The following NUMA1 variants were observed in gnomAD, a reference collection of about 807,000 sequenced individuals.
The protein encoded by NUMA1 is nuclear mitotic apparatus protein 1.
In NUMA1, 62 loss-of-function variants were observed where a neutral mutation model predicts 237.1. The ratio of observed to expected loss-of-function variants is 0.26; its 90% confidence interval spans 0.21 to 0.32. NUMA1 has a LOEUF of 0.32. Among genes scored for constraint, NUMA1 ranks in the 10% least tolerant of loss-of-function variants. The pLI is 1.00. For missense variants in NUMA1, 2,533 were observed against 2,666.5 expected (o/e 0.95, Z 1.10); for synonymous variants, 1,028 against 1,066.1 (o/e 0.96, Z 0.70).
At position 72,012,514 on chromosome 11, in the gene NUMA1, T is replaced by C; in HGVS notation, c.4609-72A>G. 3 of 1,407,398 alleles carry C rather than the reference T, an allele frequency of 2.1e-6. No homozygotes were observed. In the Admixed American group the frequency reaches 5.2e-5, roughly 25 times the overall value. 87.2% of individuals were successfully genotyped at this position (1,407,398 alleles called of 1,614,324 possible). On this transcript the variant is annotated intron_variant, in intron 15 of 26. Transcript: ENST00000393695. ...AGAAGCACCAGCCCTGCTGCCAGGC[T>C]GACCTCACTGAGGCTCTGATACTTT... is the stretch of plus-strand genomic sequence containing the variant.
In NUMA1 at chr11:72,014,253, G is replaced by T. The variant is rs758543212; in HGVS notation, c.3250C>A (p.Arg1084=). The change falls in exon 15 of 27, where the codon CGG becomes AGG. Residue 1084 remains arginine, a synonymous_variant. Coordinates refer to ENST00000393695, the MANE Select transcript of NUMA1 (RefSeq NM_006185.4). The surrounding 1 kb of genome is among the most constrained non-coding windows in gnomAD (Gnocchi z 4.6). The part of the protein sequence containing the change: ...AAQIKELEEL[R]QTVKQLKEQL... ...TCCTTCAGTTGCTTCACGGTTTGCC[G>T]AAGTTCCTCCAGCTCTTTTATCTGG... The T allele has an allele frequency of 1.2e-6, 2 of 1,613,822 alleles. No homozygotes were observed. The highest frequency in any genetic ancestry group is 1.7e-6 in the Non-Finnish European group (2 of 1,180,040).
At chr11:72,024,156 G>A (rs956420651) in intron 5 of NUMA1, 118 bp downstream of exon 5, 7 of 788,080 alleles carry the variant, frequency 8.9e-6, no homozygotes, top group Non-Finnish European at 1.1e-5. Context: ...TTGTGTTAAA[G>A]AGTGGGGAGC....
intron 3 of NUMA1, among the ~76,000 whole-genome samples, chr11:72,030,671 TTATTCACA>T (rs1233949838): frequency 6.6e-6 from 1 of 152,222 alleles, no homozygotes; most frequent in Non-Finnish European, 1.5e-5. Context: ...GCTAAGTTAA[TTATTCACA>T]TATTCAACAC....
At chr11:72,053,574 C>T (rs761524097) in intron 2 of NUMA1, among the ~76,000 whole-genome samples, 1 of 152,204 alleles carries the variant, frequency 6.6e-6, no homozygotes, top group African/African-American at 2.4e-5. Flanking sequence ...CTCTGCTTCC[C>T]CCTGGTTCTT....
At chr11:72,005,561 T>A (rs1165487995) in intron 22 of NUMA1, 192 bp from the exon 23 acceptor site, 2 of 571,004 alleles carry the variant, frequency 3.5e-6, no homozygotes, top group African/African-American at 1.9e-5. Flanking sequence ...GCTCACCACC[T>A]TCTCCCTGGA....
intron 23 of NUMA1, 22 bp downstream of exon 23, chr11:72,005,211 G>A: frequency 1.9e-6 from 3 of 1,572,904 alleles, no homozygotes; most frequent in Admixed American, 1.9e-5. Flanking sequence ...GGGAGGCCCT[G>A]CACAGTGACC....
At position 72,008,992 on chromosome 11, in the gene NUMA1, G is replaced by C; in HGVS notation, c.5033C>G (p.Ala1678Gly). Reference protein sequence around the residue: ...EAEQTCRHLTAQVRSLEAQVA... With the variant: ...EAEQTCRHLTGQVRSLEAQVA... The stretch of plus-strand genomic sequence containing the variant: ...CTGTGCCTCCAGGCTGCGCACCTGG[G>C]CAGTAAGGTGGCGGCAGGTCTGTTC... Residue 1678 changes from alanine to glycine, a missense_variant, in exon 19 of 27, where the codon GCC becomes GGC. By Grantham distance (60) the Ala-to-Gly change is moderately conservative (BLOSUM62 0). This residue lies in a region of NUMA1 where 795 missense variants were observed against 750.8 expected (regional missense o/e 1.06). Coordinates refer to ENST00000393695, the MANE Select transcript of NUMA1 (RefSeq NM_006185.4). 1 of 1,613,960 alleles carries C rather than the reference G, an allele frequency of 6.2e-7. No homozygotes were observed. Among genetic ancestry groups the C allele is most frequent in the South Asian group, 1.1e-5 (1 of 91,084 alleles).
At chr11:72,005,525 A>C in intron 22 of NUMA1, 156 bp from the exon 23 acceptor site, 1 of 659,220 alleles carries the variant, frequency 1.5e-6, no homozygotes, top group East Asian at 2.9e-5. Flanking sequence ...AGTACGGCAC[A>C]CAGACTATTT....
chr11:72,032,137 G>C (rs1410506671), intron 3 of NUMA1, among the ~76,000 whole-genome samples: 1 of 152,000 alleles, frequency 6.6e-6, no homozygotes, highest in Non-Finnish European at 1.5e-5. Context: ...TTCCAGCCTG[G>C]GTCACAGAGC....
rs1955394296 is a variant in NUMA1, at chr11:72,003,396, T to C, written c.*131A>G. 2 of 895,820 alleles carry C rather than the reference T, an allele frequency of 2.2e-6. No individual in the cohort carries two copies. The highest frequency in any genetic ancestry group is 3.7e-6 in the Non-Finnish European group (2 of 537,840). 55.5% of individuals were successfully genotyped at this position (895,820 alleles called of 1,614,324 possible). ...GACCAGGCCAGGGTGCGGGCAGGCA[T>C]CACTGTCTCTAGGGGTTTGGCTACT... On this transcript the variant is annotated 3_prime_UTR_variant, in exon 27 of 27. Coordinates refer to ENST00000393695, the MANE Select transcript of NUMA1 (RefSeq NM_006185.4).
At chr11:72,073,495 C>T (rs184377920) in intron 1 of NUMA1, among the ~76,000 whole-genome samples, 38 of 152,256 alleles carry the variant, frequency 2.5e-4, no homozygotes, top group Admixed American at 1.8e-3. Context: ...AGAGGAAGAA[C>T]ACCAATGACC....
rs2135058130 is a variant in NUMA1 at position 72,016,121 on chromosome 11, T to G, written c.1382A>C (p.Lys461Thr). ...LAERGHFEEEKQQLSSLITDL... is the reference protein window; with the variant it reads ...LAERGHFEEETQQLSSLITDL... ...AGTGATCAGGCTAGACAGCTGCTGC[T>G]TTTCTTCTTCGAAGTGGCCCCGCTC... The change falls in exon 15 of 27, where the codon AAG becomes ACG. Residue 461 changes from lysine to threonine, a missense_variant. Coordinates refer to ENST00000393695, the MANE Select transcript of NUMA1 (RefSeq NM_006185.4). 6.2e-7 allele frequency: 1 copy of G among 1,614,148 alleles called. No homozygotes were observed. The highest frequency in any genetic ancestry group is 1.1e-5 in the South Asian group (1 of 91,086).
chr11:72,020,006 G>A (rs191456178), intron 8 of NUMA1, among the ~76,000 whole-genome samples: 17 of 152,272 alleles, frequency 1.1e-4, no homozygotes, highest in Admixed American at 7.8e-4. Flanking sequence ...CAGAGCCATT[G>A]GCCACCATTT....
rs368966193 is a variant in NUMA1 at position 72,018,804 on chromosome 11, C to T, written c.742+19G>A. On this transcript the variant is annotated intron_variant, in intron 10 of 26. Coordinates refer to ENST00000393695, the MANE Select transcript of NUMA1 (RefSeq NM_006185.4). Reference sequence around the variant, plus strand: ...CCGGCAAGTCTATTCACACATCTGCCAGTGTGCCAGCCACCTACCCTTCTC... The same window carrying T: ...CCGGCAAGTCTATTCACACATCTGCTAGTGTGCCAGCCACCTACCCTTCTC... The T allele has an allele frequency of 7.5e-5, 120 of 1,603,094 alleles. No individual in the cohort carries two copies. The highest frequency in any genetic ancestry group is 1.5e-4 in the Admixed American group (9 of 59,326).
intron 9 of NUMA1, 96 bp downstream of exon 9, chr11:72,019,398 C>T: frequency 6.6e-7 from 1 of 1,509,364 alleles, no homozygotes; most frequent in Admixed American, 1.8e-5. Flanking sequence ...CTAAGCACTC[C>T]CAGAGGCTGG....
At chr11:72,073,753 TAG>T (rs1476343129) in intron 1 of NUMA1, among the ~76,000 whole-genome samples, 3 of 152,206 alleles carry the variant, frequency 2.0e-5, no homozygotes, top group Non-Finnish European at 2.9e-5. Flanking sequence ...ATGTGGGATG[TAG>T]AACCCAGAAT....
intron 12 of NUMA1, 175 bp from the exon 13 acceptor site, chr11:72,018,002 C>G (rs2135154796): frequency 7.2e-6 from 7 of 978,446 alleles, no homozygotes; most frequent in Non-Finnish European, 1.1e-5. Flanking sequence ...TTTAGGGTCA[C>G]AGCCCAGTAC....
At chr11:72,055,405 C>T (rs563327136) in intron 2 of NUMA1, among the ~76,000 whole-genome samples, 8 of 152,194 alleles carry the variant, frequency 5.3e-5, no homozygotes, top group East Asian at 1.9e-4. Flanking sequence ...GATGTAACCA[C>T]GGTTTTCTGG....
At chr11:72,031,760 G>A (rs184330709) in intron 3 of NUMA1, among the ~76,000 whole-genome samples, 3 of 152,216 alleles carry the variant, frequency 2.0e-5, no homozygotes, top group East Asian at 1.9e-4. Context: ...GCTACAGCGA[G>A]CTATGATCAC....
Sources: allele counts gnomAD v4.1 joint callset (sites outside exome capture counted in the v4.1 genomes callset), GRCh38; gene constraint gnomAD v4.1.1; regional missense constraint gnomAD v4.1.1; non-coding constraint Gnocchi (gnomAD v3.1); transcripts MANE v1.5; gene names NCBI Gene and HGNC (gene_info 2026-07-23, HGNC 2026-07-21).